Variants in SOHLH2 observed in about 807,000 individuals in gnomAD.
The protein encoded by SOHLH2 is spermatogenesis and oogenesis specific basic helix-loop-helix 2.
SOHLH2 carries 22 observed loss-of-function variants against 50.4 expected under a neutral mutation model. The ratio of observed to expected loss-of-function variants is 0.44; its 90% CI spans 0.31 to 0.62. The LOEUF (loss-of-function observed/expected upper bound fraction) is 0.62. Ranked by LOEUF, SOHLH2 falls within the 20% of genes least tolerant of loss-of-function variation. SOHLH2 has a pLI of 0.08. For missense variants in SOHLH2, 412 were observed against 504.4 expected, an observed-to-expected ratio of 0.82 and a Z score of 1.76; for synonymous variants, 185 against 187.3, an observed-to-expected ratio of 0.99 and a Z score of 0.10.
intron 2 of SOHLH2, among the ~76,000 whole-genome samples, chr13:36,200,343 G>A (rs1244959298): frequency 2.0e-5 from 3 of 152,148 alleles, no homozygotes; most frequent in Non-Finnish European, 2.9e-5. Context: ...TGCCTGATGT[G>A]TCTAGAGTTC....
intron 6 of SOHLH2, among the ~76,000 whole-genome samples, chr13:36,180,704 T>G (rs1437199035): frequency 6.6e-6 from 1 of 152,028 alleles, no homozygotes; most frequent in Non-Finnish European, 1.5e-5. Flanking sequence ...TCTTACTGAT[T>G]TCTAATTTAA....
At chr13:36,182,119 G>A in intron 6 of SOHLH2, 1 of 985,370 alleles carries the variant, frequency 1.0e-6, no homozygotes, top group Non-Finnish European at 1.2e-6. Context: ...CAAGAAAAAA[G>A]TGTCCTTGTA....
chr13:36,187,484 T>C (rs187703932), intron 6 of SOHLH2, among the ~76,000 whole-genome samples: 1 of 152,306 alleles, frequency 6.6e-6, no homozygotes, highest in East Asian at 1.9e-4. Flanking sequence ...ATGAGATCTA[T>C]GGGACAGCAC....
intron 2 of SOHLH2, among the ~76,000 whole-genome samples, chr13:36,195,167 C>T (rs975107560): frequency 2.0e-5 from 3 of 151,982 alleles, no homozygotes; most frequent in African/African-American, 7.3e-5. Context: ...GAAGGAAAAC[C>T]AAAAGGGCCA....
At chr13:36,192,561 T>A (rs1887606506) in intron 4 of SOHLH2, among the ~76,000 whole-genome samples, 2 of 152,326 alleles carry the variant, frequency 1.3e-5, no homozygotes, top group South Asian at 4.1e-4. Flanking sequence ...AAATCTCATA[T>A]AATCATTATC....
At chr13:36,173,358 T>C (rs1365552660) in intron 9 of SOHLH2, among the ~76,000 whole-genome samples, 2 of 152,196 alleles carry the variant, frequency 1.3e-5, no homozygotes, top group Non-Finnish European at 1.5e-5. Context: ...TAAATAAATA[T>C]GTTAAATGCT....
At chr13:36,202,930 G>A (rs75982574) in intron 1 of SOHLH2, among the ~76,000 whole-genome samples, 2,985 of 152,306 alleles carry the variant, frequency 0.02, 86 homozygotes, top group African/African-American at 0.068. Flanking sequence ...CAGGATGCTG[G>A]TGTAAGTGGC....
At chr13:36,187,525 A>G (rs1887454320) in intron 6 of SOHLH2, among the ~76,000 whole-genome samples, 1 of 152,138 alleles carries the variant, frequency 6.6e-6, no homozygotes, top group Non-Finnish European at 1.5e-5. Context: ...TTGACCTAGC[A>G]AGGCAGCAGT....
At chr13:36,189,844 T>G in intron 6 of SOHLH2, 102 bp downstream of exon 6, 1 of 1,135,610 alleles carries the variant, frequency 8.8e-7, no homozygotes, top group Non-Finnish European at 1.2e-6. Flanking sequence ...CTAAGTTTAC[T>G]AGTTTCACTT....
In SOHLH2 at chr13:36,193,636, ATGT is replaced by A. The variant is rs1208847825; in HGVS notation, c.412_414del (p.Thr138del). ...TTTTACTCACCAGTGTTTGAGGGAC[ATGT>A]TGTCCAGTATTTTACCACATTACTC... On this transcript the variant is annotated inframe_deletion, in exon 4 of 11. Transcript: ENST00000379881. The A allele has an allele frequency of 1.2e-6, 2 of 1,605,664 alleles. No homozygotes were observed. Among genetic ancestry groups the A allele is most frequent in the African/African-American group, 1.3e-5 (1 of 74,436 alleles).
intron 1 of SOHLH2, among the ~76,000 whole-genome samples, chr13:36,213,816 G>A (rs1468908470): frequency 6.6e-6 from 1 of 152,106 alleles, no homozygotes; most frequent in African/African-American, 2.4e-5. Context: ...GGGATGCCAC[G>A]CCAGTGCCCA....
chr13:36,183,489 T>C (rs770827246), intron 6 of SOHLH2, among the ~76,000 whole-genome samples: 1 of 151,804 alleles, frequency 6.6e-6, no homozygotes, highest in Non-Finnish European at 1.5e-5. Context: ...TAAAAAGAAA[T>C]GCTAAAGTAT....
At chr13:36,188,425 T>C (rs1365392979) in intron 6 of SOHLH2, among the ~76,000 whole-genome samples, 2 of 152,344 alleles carry the variant, frequency 1.3e-5, no homozygotes, top group East Asian at 3.9e-4. Flanking sequence ...CAAAATCTCG[T>C]ACTTTACCCT....
At chr13:36,201,311 T>C (rs1452735824) in intron 2 of SOHLH2, among the ~76,000 whole-genome samples, 1 of 152,144 alleles carries the variant, frequency 6.6e-6, no homozygotes, top group Non-Finnish European at 1.5e-5. Flanking sequence ...GGAGTATGTG[T>C]GGGAATAATG....
At chr13:36,197,280 C>G (rs1301476531) in intron 2 of SOHLH2, among the ~76,000 whole-genome samples, 1 of 152,190 alleles carries the variant, frequency 6.6e-6, no homozygotes, top group Non-Finnish European at 1.5e-5. Context: ...TACTGATATT[C>G]TGGGTTCCAT....
At chr13:36,201,086 C>T (rs145817399) in intron 2 of SOHLH2, among the ~76,000 whole-genome samples, 81 of 142,848 alleles carry the variant, frequency 5.7e-4, no homozygotes, top group Non-Finnish European at 9.5e-4. Context: ...AGAAAAGAAG[C>T]AGAACTTATG....
rs1171349796 is a variant in SOHLH2 at position 36,207,001 on chromosome 13, C to T, written c.49-4908G>A. ...CCTCCTTGCCCTTTAATGTTTTTCA[C>T]CTCAAATTTTATTTTTCTGATATAC... On this transcript the variant is annotated intron_variant, in intron 1 of 10. Transcript: ENST00000379881. Among the ~76,000 whole-genome samples the T allele has an allele frequency of 2.0e-5, 3 of 151,570 alleles. No individual in the cohort carries two copies. In the East Asian group the frequency reaches 5.8e-4, roughly 29 times the overall value.
At chr13:36,213,914 AATC>A (rs1462485137) in intron 1 of SOHLH2, among the ~76,000 whole-genome samples, 3 of 152,136 alleles carry the variant, frequency 2.0e-5, no homozygotes, top group African/African-American at 4.8e-5. Context: ...TAAAAATAAA[AATC>A]ATCGTTCACA....
intron 6 of SOHLH2, chr13:36,183,198 CT>C (rs994585272): frequency 5.9e-5 from 21 of 354,986 alleles, no homozygotes; most frequent in Admixed American, 4.9e-4. Flanking sequence ...CCTGTACAGC[CT>C]GCAGAATCAC....
Sources: gnomAD v4.1 joint callset for allele counts (sites outside exome capture counted in the v4.1 genomes callset) on GRCh38, gnomAD v4.1.1 for gene constraint, MANE v1.5 for transcripts, NCBI Gene and HGNC (gene_info 2026-07-23, HGNC 2026-07-21) for gene names.